The following UIMC1 variants were observed in gnomAD, a reference collection of about 807,000 sequenced individuals.
The protein encoded by UIMC1 is ubiquitin interaction motif containing 1.
In UIMC1, 42 loss-of-function variants were observed where a neutral mutation model predicts 84.9. The ratio of observed to expected loss-of-function variants is 0.49; its 90% CI spans 0.39 to 0.64. The LOEUF (loss-of-function observed/expected upper bound fraction) is 0.64, where lower values mean the gene tolerates loss of function less well. UIMC1 is among the 30% of genes least tolerant of loss of function. UIMC1 has a pLI of 0.00. For missense variants in UIMC1, 825 were observed against 847.6 expected (o/e 0.97, Z 0.33); for synonymous variants, 281 against 293.0 (o/e 0.96, Z 0.42).
intron 5 of UIMC1, 126 bp downstream of exon 5, chr5:176,969,475 C>A: frequency 7.8e-7 from 1 of 1,274,028 alleles, no homozygotes. Flanking sequence ...TCAACTACTT[C>A]CTGATTTAAC....
chr5:177,021,010 T>C (rs1775790763), intron 1 of UIMC1, among the ~76,000 whole-genome samples: 1 of 152,196 alleles, frequency 6.6e-6, no homozygotes, highest in Non-Finnish European at 1.5e-5. Context: ...CTACGCAAGG[T>C]GGCATGTGCC....
intron 6 of UIMC1, among the ~76,000 whole-genome samples, chr5:176,958,951 G>C (rs1269662793): frequency 6.6e-6 from 1 of 152,218 alleles, no homozygotes; most frequent in Non-Finnish European, 1.5e-5. Context: ...TCTTCCACTA[G>C]ACATAAAGCT....
At chr5:176,986,538 CA>C (rs34922824) in intron 1 of UIMC1, among the ~76,000 whole-genome samples, 3,259 of 79,336 alleles carry the variant, frequency 0.041, 33 homozygotes, top group Non-Finnish European at 0.058. Context: ...ACCCTGTCTC[CA>C]AAAAAAAAAA....
In UIMC1 at chr5:176,905,333, T is replaced by G; in HGVS notation, c.2109A>C (p.Pro703=). ...VDFKKQVTVQ[P]GSRTRTKAGR... is the part of the protein sequence containing the mutation. ...CAGCTTTGGTCCGTGTCCGACTACC[T>G]GGCTGGACAGTAACTTGCTTTTTAA... The change falls in exon 15 of 15, where the codon CCA becomes CCC. Residue 703 remains proline (P), a synonymous_variant. Transcript: ENST00000511320. 1 of 1,614,162 alleles carries G rather than the reference T, an allele frequency of 6.2e-7. No individual in the cohort carries two copies. The highest frequency in any genetic ancestry group is 1.3e-5 in the African/African-American group (1 of 75,048).
At chr5:176,958,985 C>T (rs2149466662) in intron 6 of UIMC1, among the ~76,000 whole-genome samples, 1 of 152,256 alleles carries the variant, frequency 6.6e-6, no homozygotes, top group South Asian at 2.1e-4. Flanking sequence ...TTCAAGGTTT[C>T]CTAATAAGAT....
chr5:176,967,673 T>C (rs56287626), intron 6 of UIMC1, among the ~76,000 whole-genome samples: 8,759 of 152,038 alleles, frequency 0.058, 370 homozygotes, highest in Non-Finnish European at 0.089. Flanking sequence ...GAGAACAAGG[T>C]AGGTGGATGG....
intron 1 of UIMC1, among the ~76,000 whole-genome samples, chr5:177,014,114 G>A (rs1775624607): frequency 7.2e-6 from 1 of 139,710 alleles, no homozygotes; most frequent in Admixed American, 7.7e-5. Context: ...AAGTTAGAGT[G>A]CAATCTCAGC....
chr5:177,006,709 C>A lies in UIMC1; in HGVS notation c.-68G>T, dbSNP rs1444144684. The A allele has an allele frequency of 6.6e-6, 1 of 152,012 alleles. No individual in the cohort carries two copies. The highest frequency in any genetic ancestry group is 2.1e-4 in the South Asian group (1 of 4,814). The allele number at this position is 152,012 out of a possible 1,614,324, so 9.4% of individuals were successfully genotyped here. ...GGTTGCCGGGGGTCGCGAGCCGCCA[C>A]ACGTTGGGAGCGCGGGGGGAGGGGG... On this transcript the variant is annotated 5_prime_UTR_variant, in exon 1 of 15. Transcript: ENST00000511320.
chr5:176,984,334 C>G (rs1358311303), intron 1 of UIMC1, among the ~76,000 whole-genome samples: 1 of 136,580 alleles, frequency 7.3e-6, no homozygotes, highest in Non-Finnish European at 1.6e-5. Flanking sequence ...TCTGCCCGGC[C>G]GCCCCGTCTG....
chr5:176,961,051 A>C, intron 6 of UIMC1, among the ~76,000 whole-genome samples: 1 of 57,656 alleles, frequency 1.7e-5, no homozygotes, highest in Non-Finnish European at 3.1e-5. Context: ...CCCGGCCGCC[A>C]CCCCGTCTGG....
chr5:176,968,440 A>G, intron 6 of UIMC1, 115 bp downstream of exon 6: 1 of 1,387,400 alleles, frequency 7.2e-7, no homozygotes, highest in Non-Finnish European at 9.7e-7. Flanking sequence ...TTCTATAGTG[A>G]ACATGTATTA....
upstream of UIMC1, among the ~76,000 whole-genome samples, chr5:177,009,612 C>T (rs543414517): frequency 1.6e-3 from 246 of 152,080 alleles, no homozygotes; most frequent in African/African-American, 5.7e-3. This position sits in a 1 kb window ranked among gnomAD's most constrained non-coding sequence, Gnocchi z 4.3. Context: ...GAATAACATA[C>T]AACAATTAAG....
At chr5:176,930,487 T>C (rs1254800271) in intron 10 of UIMC1, among the ~76,000 whole-genome samples, 1 of 152,222 alleles carries the variant, frequency 6.6e-6, no homozygotes, top group Non-Finnish European at 1.5e-5. Flanking sequence ...TCCTCTTTTA[T>C]AAGTGAAATA....
At chr5:177,008,157 A>T (rs185894112), upstream of UIMC1, among the ~76,000 whole-genome samples, 6 of 152,162 alleles carry the variant, frequency 3.9e-5, no homozygotes, top group East Asian at 9.6e-4. Flanking sequence ...AGAAAATGTT[A>T]ACAGTAGGGT....
chr5:176,923,244 A>G lies in UIMC1; in HGVS notation c.1598-11855T>C, dbSNP rs377762918. Among the ~76,000 whole-genome samples the G allele has an allele frequency of 2.6e-5, 4 of 152,250 alleles. No homozygotes were observed. In the East Asian group the frequency reaches 7.7e-4, roughly 29 times the overall value. Reference sequence around the variant, plus strand: ...TCAGAATGGATAAAAGCATGACCCAATGGTATGCTGTCTACAGGAGACACA... The same window carrying G: ...TCAGAATGGATAAAAGCATGACCCAGTGGTATGCTGTCTACAGGAGACACA... On this transcript the variant is annotated intron_variant, in intron 10 of 14. Coordinates refer to ENST00000511320, the MANE Select transcript of UIMC1 (RefSeq NM_001199298.2).
At chr5:176,916,078 C>T (rs188115999) in intron 10 of UIMC1, among the ~76,000 whole-genome samples, 51 of 152,282 alleles carry the variant, frequency 3.3e-4, no homozygotes, top group South Asian at 8.3e-4. Context: ...TCCTTTGAAA[C>T]CTACTGCCCC....
chr5:176,972,918 CTTTT>C (rs56373708), intron 3 of UIMC1, among the ~76,000 whole-genome samples: 1 of 137,914 alleles, frequency 7.3e-6, no homozygotes, highest in African/African-American at 2.8e-5. Context: ...CTGGCAACTT[CTTTT>C]TTTTTTTTTT....
intron 10 of UIMC1, among the ~76,000 whole-genome samples, chr5:176,913,222 T>A (rs1007704559): frequency 6.6e-6 from 1 of 152,216 alleles, no homozygotes; most frequent in Non-Finnish European, 1.5e-5. Flanking sequence ...CTATTAAGAT[T>A]TGGATTGACA....
intron 3 of UIMC1, among the ~76,000 whole-genome samples, chr5:176,971,480 T>C (rs1277607884): frequency 6.6e-6 from 1 of 152,208 alleles, no homozygotes; most frequent in Non-Finnish European, 1.5e-5. Flanking sequence ...GCAAAGACTC[T>C]ATTAGACACT....
Sources: gnomAD v4.1 joint callset for allele counts (sites outside exome capture counted in the v4.1 genomes callset) on GRCh38, gnomAD v4.1.1 for gene constraint, Gnocchi (gnomAD v3.1) non-coding constraint, MANE v1.5 for transcripts, NCBI Gene and HGNC (gene_info 2026-07-23, HGNC 2026-07-21) for gene names.